The following NKX2-3 variants were observed in gnomAD, a reference collection of about 807,000 sequenced individuals.
NKX2-3 encodes the protein NK2 homeobox 3, also known as homeobox protein Nkx-2.3.
Under a neutral mutation model 14.2 loss-of-function variants are expected in NKX2-3, and 3 were observed. The ratio of observed to expected loss-of-function variants is 0.21; its 90% CI spans 0.10 to 0.55. The LOEUF is 0.55. Among genes scored for constraint, NKX2-3 ranks in the 20% least tolerant of loss-of-function variants. NKX2-3 has a pLI of 0.94. For missense variants in NKX2-3, 511 were observed against 514.5 expected (o/e 0.99, Z 0.06); for synonymous variants, 276 against 234.2 (o/e 1.18, Z -1.63).
chr10:99,532,997 C>G lies in NKX2-3; in HGVS notation c.-135C>G. On this transcript the variant is annotated 5_prime_UTR_variant, in exon 1 of 2. Coordinates refer to ENST00000344586, the MANE Select transcript of NKX2-3 (RefSeq NM_145285.3). ...TCCCGGCCAATGGAGGCGATTTAGA[C>G]TGGAGTGGGACCGCGTCTGTCAAAA... 1 of 662,242 alleles carries G rather than the reference C, an allele frequency of 1.5e-6. No homozygotes were observed. 41.0% of individuals were successfully genotyped at this position (662,242 alleles called of 1,614,324 possible).
intron 1 of NKX2-3, among the ~76,000 whole-genome samples, chr10:99,534,135 C>A (rs889581350): frequency 6.6e-6 from 1 of 152,200 alleles, no homozygotes; most frequent in Non-Finnish European, 1.5e-5. Context: ...ATCCCTAAGG[C>A]GCCAGCCTTT....
Position 99,535,807 on chromosome 10 carries a change from G to T in NKX2-3, c.*86G>T. On this transcript the variant is annotated 3_prime_UTR_variant, in exon 2 of 2. Transcript: ENST00000344586. ...CGAGAAGGGCCTGACCTAAAGGTCA[G>T]GTCCCCTCGTTAAAAAAATATGTAC... 7.2e-7 allele frequency: 1 copy of T among 1,394,128 alleles called. No individual in the cohort carries two copies. 86.4% of individuals were successfully genotyped at this position (1,394,128 alleles called of 1,614,324 possible). A position where few individuals can be genotyped will look rare whatever the true frequency, so the allele number is the denominator to read the frequency against.
At position 99,535,618 on chromosome 10, in the gene NKX2-3, T is replaced by A. The variant is rs1371169946; in HGVS notation, c.992T>A (p.Leu331Gln). The A allele has an allele frequency of 4.6e-6, 7 of 1,534,420 alleles. No homozygotes were observed. Among genetic ancestry groups the A allele is most frequent in the Non-Finnish European group, 6.1e-6 (7 of 1,143,788 alleles). ...GGCCCCTTTGTGAACGTGAGCAACC[T>A]AGGAGGCTTCGGCAGCGGCGGCAGC... ...GGGPFVNVSN[L>Q]GGFGSGGSAQ... Residue 331 changes from leucine to glutamine, a missense_variant, in exon 2 of 2, where the codon CTA becomes CAA. Leu to Gln is a moderately radical substitution (Grantham distance 113). Transcript: ENST00000344586.
chr10:99,535,566 C>G lies in NKX2-3; in HGVS notation c.940C>G (p.Gln314Glu). Residue 314 changes from glutamine to glutamate, a missense_variant, in exon 2 of 2, where the codon CAG (glutamine) becomes GAG (glutamate). Gln to Glu is a conservative substitution (Grantham distance 29, BLOSUM62 2). Around this residue, in one of 3 missense-constraint regions of NKX2-3, gnomAD observed 264 missense variants for 254.7 expected, o/e 1.04. Coordinates refer to ENST00000344586, the MANE Select transcript of NKX2-3 (RefSeq NM_145285.3). ...GACCTCCGCGGCGACCACTGCCATGCAGCCCGCCTGCAGCGCGGCCGGAGG... is the reference window on the plus strand; with the variant it reads ...GACCTCCGCGGCGACCACTGCCATGGAGCCCGCCTGCAGCGCGGCCGGAGG... ...GGTSAATTAM[Q>E]PACSAAGGGP... The G allele has an allele frequency of 6.7e-7, 1 of 1,488,824 alleles. No homozygotes were observed. The highest frequency in any genetic ancestry group is 2.9e-5 in the East Asian group (1 of 34,590). The allele number at this position is 1,488,824 out of a possible 1,614,324, so 92.2% of individuals were successfully genotyped here. A position where few individuals can be genotyped will look rare whatever the true frequency, so the allele number is the denominator to read the frequency against.
Position 99,536,073 on chromosome 10 carries a change from C to A in NKX2-3, c.*352C>A. 1 of 294,992 alleles carries A rather than the reference C, an allele frequency of 3.4e-6. No individual in the cohort carries two copies. Among genetic ancestry groups the A allele is most frequent in the Non-Finnish European group, 6.3e-6 (1 of 157,584 alleles). The allele number at this position is 294,992 out of a possible 1,614,324, so 18.3% of individuals were successfully genotyped here. ...CTTCTCTCCCTCTGCCTTTCCGCGG[C>A]CTCCGCGAAGCGTTGGCGGGGAGCC... On this transcript the variant is annotated 3_prime_UTR_variant, in exon 2 of 2. Transcript: ENST00000344586.
chr10:99,534,655 G>T (rs191959975), intron 1 of NKX2-3, among the ~76,000 whole-genome samples: 1 of 152,344 alleles, frequency 6.6e-6, no homozygotes, highest in African/African-American at 2.4e-5. Context: ...TTATGTAGTT[G>T]CAAGCCTTCA....
Position 99,533,180 on chromosome 10 carries a change from A to G in NKX2-3, c.49A>G (p.Ile17Val), listed in dbSNP as rs2033928737. 6.3e-7 allele frequency: 1 copy of G among 1,587,788 alleles called. No individual in the cohort carries two copies. The highest frequency in any genetic ancestry group is 1.3e-5 in the African/African-American group (1 of 74,580). Residue 17 changes from isoleucine to valine, a missense_variant, in exon 1 of 2, where the codon ATT becomes GTT. This residue lies in a region of NKX2-3 where 243 missense variants were observed against 242.3 expected (regional missense o/e 1.00). Transcript: ENST00000344586. ...CTCCACCCCTTTCTCAGTCAAAGAC[A>G]TTTTGAATCTGGAGCAGCAGCACCA... ...VTSTPFSVKD[I>V]LNLEQQHQHF...
At chr10:99,534,754 G>A (rs962109330) in intron 1 of NKX2-3, among the ~76,000 whole-genome samples, 1 of 152,170 alleles carries the variant, frequency 6.6e-6, no homozygotes, top group Non-Finnish European at 1.5e-5. Flanking sequence ...AAATAAACAC[G>A]CACTAACTAC....
chr10:99,535,363 A>G lies in NKX2-3; in HGVS notation c.737A>G (p.Tyr246Cys). ...TGCGTCACGCCCAGCGCGCAGGCCTACGGCGCGCCCTACAGCGTGGGCGCC... is the reference window on the plus strand; with the variant it reads ...TGCGTCACGCCCAGCGCGCAGGCCTGCGGCGCGCCCTACAGCGTGGGCGCC... ...KPCVTPSAQA[Y>C]GAPYSVGASA... The change falls in exon 2 of 2, where the codon TAC becomes TGC. Residue 246 changes from tyrosine (Y) to cysteine (C), a missense_variant. Physicochemically the swap from Tyr to Cys is radical, Grantham distance 194. This residue lies in a region of NKX2-3 where 264 missense variants were observed against 254.7 expected (regional missense o/e 1.04). Transcript: ENST00000344586. 1.4e-6 allele frequency: 2 copies of G among 1,469,932 alleles called. No individual in the cohort carries two copies. Among genetic ancestry groups the G allele is most frequent in the Admixed American group, 2.9e-5 (1 of 34,316 alleles). 91.1% of individuals were successfully genotyped at this position (1,469,932 alleles called of 1,614,324 possible).
chr10:99,535,170 G>A lies in NKX2-3; in HGVS notation c.544G>A (p.Ala182Thr). The A allele has an allele frequency of 1.9e-6, 3 of 1,613,304 alleles. No individual in the cohort carries two copies. The highest frequency in any genetic ancestry group is 2.5e-6 in the Non-Finnish European group (3 of 1,179,830). Reference protein sequence around the residue: ...YLSAPEREHLASSLKLTSTQV... With the variant: ...YLSAPEREHLTSSLKLTSTQV... ...GTCGGCACCCGAGCGCGAGCACCTC[G>A]CCAGCAGCCTGAAGCTCACATCCAC... is the stretch of plus-strand genomic sequence containing the variant. Residue 182 changes from alanine to threonine, a missense_variant, in exon 2 of 2, where the codon GCC becomes ACC. Transcript: ENST00000344586.
In NKX2-3 at chr10:99,536,046, G is replaced by A. The variant is rs1045185663; in HGVS notation, c.*325G>A. On this transcript the variant is annotated 3_prime_UTR_variant, in exon 2 of 2. Transcript: ENST00000344586. ...CGCTTGGTTCTTCCAAAGCGAGAAG[G>A]GCTTCTCTCCCTCTGCCTTTCCGCG... The A allele has an allele frequency of 1.8e-5, 6 of 341,984 alleles. No homozygotes were observed. The highest frequency in any genetic ancestry group is 1.3e-4 in the African/African-American group (6 of 46,100). The allele number at this position is 341,984 out of a possible 1,614,324, so 21.2% of individuals were successfully genotyped here.
Position 99,532,986 on chromosome 10 carries a change from G to A in NKX2-3, c.-146G>A, listed in dbSNP as rs1261373764. 6.4e-6 allele frequency: 4 copies of A among 628,688 alleles called. No homozygotes were observed. The highest frequency in any genetic ancestry group is 2.5e-5 in the South Asian group (1 of 40,270). 38.9% of individuals were successfully genotyped at this position (628,688 alleles called of 1,614,324 possible). ...AGACCCCCAGGTCCCGGCCAATGGA[G>A]GCGATTTAGACTGGAGTGGGACCGC... is the stretch of plus-strand genomic sequence containing the variant. On this transcript the variant is annotated 5_prime_UTR_variant, in exon 1 of 2. Coordinates refer to ENST00000344586, the MANE Select transcript of NKX2-3 (RefSeq NM_145285.3).
rs987264332 is a variant in NKX2-3, at chr10:99,535,976, C to T, written c.*255C>T. 3 of 507,906 alleles carry T rather than the reference C, an allele frequency of 5.9e-6. No individual in the cohort carries two copies. Among genetic ancestry groups the T allele is most frequent in the Non-Finnish European group, 1.0e-5 (3 of 288,636 alleles). The allele number at this position is 507,906 out of a possible 1,614,324, so 31.5% of individuals were successfully genotyped here. A position where few individuals can be genotyped will look rare whatever the true frequency, so the allele number is the denominator to read the frequency against. On this transcript the variant is annotated 3_prime_UTR_variant, in exon 2 of 2. Transcript: ENST00000344586. ...TGGGCGCCGGGGAGGACGATGGCCC[C>T]GACCCTGGCAGCGAGAGGAGACCAG...
Position 99,535,286 on chromosome 10 carries a change from G to C in NKX2-3, c.660G>C (p.Pro220=). 4.4e-6 allele frequency: 7 copies of C among 1,588,654 alleles called. No homozygotes were observed. The highest frequency in any genetic ancestry group is 6.0e-6 in the Non-Finnish European group (7 of 1,168,722). The change falls in exon 2 of 2, where the codon CCG becomes CCC. Residue 220 remains proline, a synonymous_variant. Coordinates refer to ENST00000344586, the MANE Select transcript of NKX2-3 (RefSeq NM_145285.3). ...KSLELGAHAP[P]PPPRRVAVPV... ...TGGAGCTTGGCGCACACGCGCCCCC[G>C]CCGCCGCCGCGCCGCGTGGCTGTCC...
At chr10:99,534,924 G>A in intron 1 of NKX2-3, 61 bp from the exon 2 acceptor site, 1 of 1,536,030 alleles carries the variant, frequency 6.5e-7, no homozygotes, top group South Asian at 1.2e-5. Flanking sequence ...CGGTGCTCCA[G>A]GACAGGAGCC....
chr10:99,533,852 C>T (rs1158588214), intron 1 of NKX2-3, among the ~76,000 whole-genome samples: 1 of 152,252 alleles, frequency 6.6e-6, no homozygotes, highest in African/African-American at 2.4e-5. Context: ...CCAAAAAGGG[C>T]AGGAGCCTGG....
Position 99,535,790 on chromosome 10 carries a change from G to A in NKX2-3, c.*69G>A. The A allele has an allele frequency of 6.8e-7, 1 of 1,472,120 alleles. No homozygotes were observed. Among genetic ancestry groups the A allele is most frequent in the Non-Finnish European group, 9.0e-7 (1 of 1,113,244 alleles). 91.2% of individuals were successfully genotyped at this position (1,472,120 alleles called of 1,614,324 possible). On this transcript the variant is annotated 3_prime_UTR_variant, in exon 2 of 2. Coordinates refer to ENST00000344586, the MANE Select transcript of NKX2-3 (RefSeq NM_145285.3). ...GCCGCGGGACTGAAGCTCGAGAAGG[G>A]CCTGACCTAAAGGTCAGGTCCCCTC...
chr10:99,535,816 G>A lies in NKX2-3; in HGVS notation c.*95G>A. On this transcript the variant is annotated 3_prime_UTR_variant, in exon 2 of 2. Transcript: ENST00000344586. The stretch of plus-strand genomic sequence containing the variant: ...CCTGACCTAAAGGTCAGGTCCCCTC[G>A]TTAAAAAAATATGTACGTCTAGCTC... 1 of 1,360,412 alleles carries A rather than the reference G, an allele frequency of 7.4e-7. No homozygotes were observed. 84.3% of individuals were successfully genotyped at this position (1,360,412 alleles called of 1,614,324 possible). A position where few individuals can be genotyped will look rare whatever the true frequency, so the allele number is the denominator to read the frequency against.
chr10:99,535,974 C>T lies in NKX2-3; in HGVS notation c.*253C>T. The T allele has an allele frequency of 3.9e-6, 2 of 512,042 alleles. No homozygotes were observed. The allele number at this position is 512,042 out of a possible 1,614,324, so 31.7% of individuals were successfully genotyped here. A position where few individuals can be genotyped will look rare whatever the true frequency, so the allele number is the denominator to read the frequency against. ...GCTGGGCGCCGGGGAGGACGATGGC[C>T]CCGACCCTGGCAGCGAGAGGAGACC... is the stretch of plus-strand genomic sequence containing the variant. On this transcript the variant is annotated 3_prime_UTR_variant, in exon 2 of 2. Coordinates refer to ENST00000344586, the MANE Select transcript of NKX2-3 (RefSeq NM_145285.3).
Sources: allele counts gnomAD v4.1 joint callset (sites outside exome capture counted in the v4.1 genomes callset), GRCh38; gene constraint gnomAD v4.1.1; regional missense constraint gnomAD v4.1.1; transcripts MANE v1.5; gene names NCBI Gene and HGNC (gene_info 2026-07-23, HGNC 2026-07-21).